The following GALNT7 variants were observed in gnomAD, a reference collection of about 807,000 sequenced individuals.
The protein encoded by GALNT7 is N-acetylgalactosaminyltransferase 7.
In GALNT7, 60 loss-of-function variants were observed where a neutral mutation model predicts 82.1. The observed-to-expected ratio is 0.73, with a 90% CI of 0.59 to 0.91. The LOEUF (loss-of-function observed/expected upper bound fraction) is 0.91. Among genes scored for constraint, GALNT7 ranks in the 40% least tolerant of loss-of-function variants. The pLI is 0.00. For missense variants in GALNT7, 660 were observed against 804.2 expected (o/e 0.82, Z 2.17); for synonymous variants, 243 against 275.1 (o/e 0.88, Z 1.15).
intron 1 of GALNT7, among the ~76,000 whole-genome samples, chr4:173,171,306 T>C (rs1414498649): frequency 6.6e-6 from 1 of 152,254 alleles, no homozygotes; most frequent in African/African-American, 2.4e-5. Context: ...GTGGTTCTTT[T>C]ACTTCGATGA....
At chr4:173,170,382 C>T (rs982377603) in intron 1 of GALNT7, among the ~76,000 whole-genome samples, 1 of 152,196 alleles carries the variant, frequency 6.6e-6, no homozygotes, top group Non-Finnish European at 1.5e-5. Context: ...GGCAAAAAGG[C>T]TTGTGGCGTC....
chr4:173,313,397 C>A (rs1056915806), intron 8 of GALNT7, among the ~76,000 whole-genome samples: 2 of 139,534 alleles, frequency 1.4e-5, no homozygotes, highest in African/African-American at 5.0e-5. Context: ...AATGAGACTC[C>A]ATCTACACAA....
chr4:173,298,161 T>C lies in GALNT7; in HGVS notation c.1012T>C (p.Tyr338His). 6.2e-7 allele frequency: 1 copy of C among 1,614,034 alleles called. No individual in the cohort carries two copies. The highest frequency in any genetic ancestry group is 8.5e-7 in the Non-Finnish European group (1 of 1,179,960). ...TATAGATGTCATAAATGGCAACACA[T>C]ATGAAATTATACCCCAAGGGGGTGG... ...PLIDVINGNT[Y>H]EIIPQGGGDE... is the part of the protein sequence containing the mutation. Residue 338 changes from tyrosine to histidine, a missense_variant, in exon 6 of 12, where the codon TAT (tyrosine) becomes CAT (histidine). Tyr to His is a moderately conservative substitution (Grantham distance 83, BLOSUM62 2). This residue lies in a region of GALNT7 where 527 missense variants were observed against 683.5 expected (regional missense o/e 0.77). Transcript: ENST00000265000.
At chr4:173,208,843 G>C (rs1733182450) in intron 1 of GALNT7, among the ~76,000 whole-genome samples, 1 of 152,224 alleles carries the variant, frequency 6.6e-6, no homozygotes, top group Non-Finnish European at 1.5e-5. Context: ...GGTGAAACCT[G>C]CAAGTGATTC....
intron 7 of GALNT7, among the ~76,000 whole-genome samples, chr4:173,303,194 C>CAA (rs567660945): frequency 9.4e-5 from 12 of 128,338 alleles, no homozygotes; most frequent in African/African-American, 1.9e-4. Flanking sequence ...GACTCCGTCT[C>CAA]AAAAAAAAAA....
chr4:173,301,754 G>C (rs1041205930), intron 6 of GALNT7, among the ~76,000 whole-genome samples: 1 of 152,136 alleles, frequency 6.6e-6, no homozygotes, highest in African/African-American at 2.4e-5. Context: ...TAAAACTAAG[G>C]CTTAATTTTT....
chr4:173,260,725 G>A (rs1281481526), intron 2 of GALNT7, among the ~76,000 whole-genome samples: 3 of 152,220 alleles, frequency 2.0e-5, no homozygotes, highest in Admixed American at 2.0e-4. Context: ...ATAAACAAGA[G>A]TCAAGTTCCT....
intron 1 of GALNT7, 49 bp from the exon 2 acceptor site, chr4:173,247,931 G>C (rs753567756): frequency 2.5e-6 from 3 of 1,214,112 alleles, no homozygotes; most frequent in Non-Finnish European, 3.6e-6. Context: ...GCTCTACTGT[G>C]GTGGTTTGCC....
chr4:173,272,380 G>A (rs1735759916), intron 2 of GALNT7, among the ~76,000 whole-genome samples: 1 of 152,140 alleles, frequency 6.6e-6, no homozygotes, highest in Non-Finnish European at 1.5e-5. Flanking sequence ...AAGTCATTGG[G>A]TTCCCTGCCA....
chr4:173,221,944 C>A (rs1170087704), intron 1 of GALNT7, among the ~76,000 whole-genome samples: 1 of 152,084 alleles, frequency 6.6e-6, no homozygotes, highest in Non-Finnish European at 1.5e-5. Flanking sequence ...GACTCAGAAA[C>A]CTTAGTAACA....
chr4:173,293,901 A>G (rs966734871), intron 3 of GALNT7, among the ~76,000 whole-genome samples: 2 of 152,186 alleles, frequency 1.3e-5, no homozygotes, highest in Non-Finnish European at 2.9e-5. Flanking sequence ...TAATGCTTCT[A>G]TGCGTGTGAC....
chr4:173,171,023 T>A (rs1457584372), intron 1 of GALNT7, among the ~76,000 whole-genome samples: 1 of 152,166 alleles, frequency 6.6e-6, no homozygotes, highest in Non-Finnish European at 1.5e-5. Flanking sequence ...TTTCTGTCAT[T>A]TGTCAAAAAC....
chr4:173,212,377 A>G (rs1198555419), intron 1 of GALNT7, among the ~76,000 whole-genome samples: 2 of 152,230 alleles, frequency 1.3e-5, no homozygotes, highest in African/African-American at 4.8e-5. Context: ...ATAATAGCCT[A>G]CAAATAACTA....
At chr4:173,211,335 A>G (rs573835710) in intron 1 of GALNT7, among the ~76,000 whole-genome samples, 2 of 152,344 alleles carry the variant, frequency 1.3e-5, no homozygotes, top group South Asian at 2.1e-4. Context: ...TGTCTTGAGA[A>G]AGGTACATAG....
chr4:173,248,871 A>G (rs1239326449), intron 2 of GALNT7, among the ~76,000 whole-genome samples: 1 of 152,212 alleles, frequency 6.6e-6, no homozygotes, highest in East Asian at 1.9e-4. Flanking sequence ...TTGTGGAACA[A>G]TAGCAAACAG....
At chr4:173,280,394 A>T (rs1274676626) in intron 2 of GALNT7, among the ~76,000 whole-genome samples, 1 of 152,204 alleles carries the variant, frequency 6.6e-6, no homozygotes, top group African/African-American at 2.4e-5. Context: ...TGCAAGTGAG[A>T]CATTTCATTT....
Position 173,292,015 on chromosome 4 carries a change from A to G in GALNT7, c.588-93A>G. ...TCATTCACTTACCGTAGTTAAGTCG[A>G]TAGTATGTAATCCAATCAGCAAATA... is the stretch of plus-strand genomic sequence containing the variant. On this transcript the variant is annotated intron_variant, in intron 2 of 11. Transcript: ENST00000265000. The surrounding 1 kb of genome is among the most constrained non-coding windows in gnomAD (Gnocchi z 4.8). 1 of 747,316 alleles carries G rather than the reference A, an allele frequency of 1.3e-6. No individual in the cohort carries two copies. The highest frequency in any genetic ancestry group is 2.3e-6 in the Non-Finnish European group (1 of 443,444). The allele number at this position is 747,316 out of a possible 1,614,324, so 46.3% of individuals were successfully genotyped here.
Position 173,227,321 on chromosome 4 carries a change from TTTTG to T in GALNT7, c.127-20647_127-20644del, listed in dbSNP as rs1357398363. On this transcript the variant is annotated intron_variant, in intron 1 of 11. Coordinates refer to ENST00000265000, the MANE Select transcript of GALNT7 (RefSeq NM_017423.3). ...AAGGTAGAGCATTTGTTTCCTTCTTTTTTGTTTGTTTGTTTTTGTTTTTGTTTTG... is the reference window on the plus strand; with the variant it reads ...AAGGTAGAGCATTTGTTTCCTTCTTTTTTGTTTGTTTTTGTTTTTGTTTTG... Among the ~76,000 whole-genome samples, 8 of 152,126 alleles carry T rather than the reference TTTTG, an allele frequency of 5.3e-5. No individual in the cohort carries two copies. The South Asian group carries it at 8.3e-4, about 16-fold the overall frequency.
chr4:173,317,608 T>G, intron 9 of GALNT7, 26 bp from the exon 10 acceptor site: 1 of 1,392,554 alleles, frequency 7.2e-7, no homozygotes, highest in Non-Finnish European at 1.0e-6. Context: ...GTTGCCTGCT[T>G]TTTGCGTCTT....
Sources: gnomAD v4.1 joint callset for allele counts (sites outside exome capture counted in the v4.1 genomes callset) on GRCh38, gnomAD v4.1.1 for gene constraint, gnomAD v4.1.1 regional missense constraint, Gnocchi (gnomAD v3.1) non-coding constraint, MANE v1.5 for transcripts, NCBI Gene and HGNC (gene_info 2026-07-23, HGNC 2026-07-21) for gene names.